TCERG1L: variants seen among roughly 807,000 people sequenced by gnomAD.
The protein encoded by TCERG1L is transcription elongation regulator 1-like protein.
Under a neutral mutation model 56.3 loss-of-function variants are expected in TCERG1L, and 37 were observed. The ratio of observed to expected loss-of-function variants is 0.66; its 90% CI spans 0.51 to 0.87. The LOEUF (loss-of-function observed/expected upper bound fraction) is 0.87. Ranked by LOEUF, TCERG1L falls within the 40% of genes least tolerant of loss-of-function variation. The pLI, the probability that TCERG1L is intolerant of heterozygous loss-of-function variation, is 0.00. For synonymous variants in TCERG1L, 324 were observed against 326.3 expected, an observed-to-expected ratio of 0.99 and a Z score of 0.08; for missense variants, 799 against 774.2, an observed-to-expected ratio of 1.03 and a Z score of -0.38.
At chr10:131,262,109 T>C (rs536343714) in intron 3 of TCERG1L, among the ~76,000 whole-genome samples, 1 of 151,726 alleles carries the variant, frequency 6.6e-6, no homozygotes, top group African/African-American at 2.4e-5. Flanking sequence ...CCGGCAGACA[T>C]AGGCGGGGGA....
Position 131,311,706 on chromosome 10 carries a change from G to T in TCERG1L, c.-71C>A. On this transcript the variant is annotated 5_prime_UTR_variant, in exon 1 of 12. Coordinates refer to ENST00000368642, the MANE Select transcript of TCERG1L (RefSeq NM_174937.4). This position sits in a 1 kb window ranked among gnomAD's most constrained non-coding sequence, Gnocchi z 4.0. Reference sequence around the variant, plus strand: ...GAGATGCTGGGCCGGCGGCGGCGCGGCTCCGGAGCGAACTCACTTGGCTCC... The same window carrying T: ...GAGATGCTGGGCCGGCGGCGGCGCGTCTCCGGAGCGAACTCACTTGGCTCC... 2 of 788,430 alleles carry T rather than the reference G, an allele frequency of 2.5e-6. No homozygotes were observed. The highest frequency in any genetic ancestry group is 3.2e-6 in the Non-Finnish European group (2 of 630,362). The allele number at this position is 788,430 out of a possible 1,614,324, so 48.8% of individuals were successfully genotyped here.
At chr10:131,203,364 G>A (rs74753328) in intron 4 of TCERG1L, among the ~76,000 whole-genome samples, 3,570 of 150,630 alleles carry the variant, frequency 0.024, 124 homozygotes, top group African/African-American at 0.082. Context: ...TCATGGTCTC[G>A]TCACTTAAGA....
intron 3 of TCERG1L, among the ~76,000 whole-genome samples, chr10:131,285,533 A>AG (rs1491426265): frequency 4.0e-5 from 2 of 50,272 alleles, no homozygotes; most frequent in East Asian, 1.5e-3. Flanking sequence ...AGAGAGAAAG[A>AG]AAAGAAAAGA....
intron 4 of TCERG1L, among the ~76,000 whole-genome samples, chr10:131,214,050 G>GCA (rs3040392): frequency 2.6e-5 from 4 of 151,786 alleles, no homozygotes; most frequent in African/African-American, 7.3e-5. Context: ...ACACACACAC[G>GCA]CACACACACA....
chr10:131,150,721 C>T (rs867113004), intron 6 of TCERG1L, among the ~76,000 whole-genome samples: 1 of 152,342 alleles, frequency 6.6e-6, no homozygotes, highest in East Asian at 1.9e-4. Flanking sequence ...CGATAGCACA[C>T]GTGGATCTCC....
intron 6 of TCERG1L, among the ~76,000 whole-genome samples, chr10:131,149,694 T>A (rs576902009): frequency 6.6e-6 from 1 of 152,308 alleles, no homozygotes; most frequent in African/African-American, 2.4e-5. Flanking sequence ...GCCTGGGCTC[T>A]TTGGCAACAC....
At chr10:131,164,235 T>A (rs1846008530) in intron 5 of TCERG1L, 1 of 151,918 alleles carries the variant, frequency 6.6e-6, no homozygotes, top group Non-Finnish European at 1.5e-5. Flanking sequence ...AAGCTATGGT[T>A]AGGACACTTG....
At chr10:131,285,644 A>G (rs971610067) in intron 3 of TCERG1L, among the ~76,000 whole-genome samples, 6 of 152,222 alleles carry the variant, frequency 3.9e-5, no homozygotes, top group African/African-American at 1.4e-4. Context: ...TAAACGCTGT[A>G]ATAGAGATAA....
intron 7 of TCERG1L, among the ~76,000 whole-genome samples, chr10:131,135,015 G>C (rs972691190): frequency 5.9e-5 from 9 of 152,210 alleles, no homozygotes; most frequent in African/African-American, 1.9e-4. Context: ...TTTCCATTCT[G>C]AGGCAGTCAG....
chr10:131,236,203 C>T (rs11598308), intron 4 of TCERG1L, among the ~76,000 whole-genome samples: 9,077 of 152,290 alleles, frequency 0.06, 352 homozygotes, highest in Middle Eastern at 0.15. Flanking sequence ...CATTGATCCT[C>T]CAGTCCTATA....
intron 4 of TCERG1L, among the ~76,000 whole-genome samples, chr10:131,226,319 T>G (rs1171709213): frequency 6.6e-6 from 1 of 152,032 alleles, no homozygotes; most frequent in Non-Finnish European, 1.5e-5. Context: ...TCAAGTAATC[T>G]GCCCGCCTCC....
At chr10:131,114,843 T>C (rs1004558365) in intron 9 of TCERG1L, among the ~76,000 whole-genome samples, 5 of 152,258 alleles carry the variant, frequency 3.3e-5, no homozygotes, top group African/African-American at 1.2e-4. Context: ...TTCCCAAATG[T>C]TCACGATGCC....
chr10:131,117,068 A>T (rs978091735), intron 8 of TCERG1L, 134 bp from the exon 9 acceptor site: 2 of 1,230,434 alleles, frequency 1.6e-6, no homozygotes, highest in African/African-American at 3.0e-5. Flanking sequence ...ATAAAGCCTG[A>T]GGCGGTCTCC....
At chr10:131,173,887 G>T (rs1589736566) in intron 4 of TCERG1L, among the ~76,000 whole-genome samples, 1 of 152,284 alleles carries the variant, frequency 6.6e-6, no homozygotes, top group East Asian at 1.9e-4. Flanking sequence ...TGAAAGGGGA[G>T]ACTGTGCAGC....
chr10:131,129,312 C>G (rs962215271), intron 8 of TCERG1L, among the ~76,000 whole-genome samples: 1 of 152,068 alleles, frequency 6.6e-6, no homozygotes, highest in African/African-American at 2.4e-5. Context: ...TGTTACCATG[C>G]TTATATTTTA....
intron 8 of TCERG1L, among the ~76,000 whole-genome samples, chr10:131,128,638 T>A (rs1185993282): frequency 6.6e-6 from 1 of 152,226 alleles, no homozygotes; most frequent in Non-Finnish European, 1.5e-5. Flanking sequence ...GTGTTTATTG[T>A]GTGTTTTCAG....
At chr10:131,266,207 C>G (rs1448409373) in intron 3 of TCERG1L, among the ~76,000 whole-genome samples, 1 of 152,226 alleles carries the variant, frequency 6.6e-6, no homozygotes. Flanking sequence ...GTCACATCTT[C>G]AAGCTCCACT....
At chr10:131,145,044 T>C (rs1292444108) in intron 7 of TCERG1L, among the ~76,000 whole-genome samples, 1 of 152,232 alleles carries the variant, frequency 6.6e-6, no homozygotes, top group African/African-American at 2.4e-5. Flanking sequence ...TTCTCATTAC[T>C]ACCAATTTTG....
chr10:131,308,901 A>G (rs1470954083), intron 2 of TCERG1L, among the ~76,000 whole-genome samples: 6 of 152,208 alleles, frequency 3.9e-5, no homozygotes, highest in African/African-American at 1.2e-4. Context: ...AAATTTTAAA[A>G]AAGACTCTGA....
Sources: allele counts gnomAD v4.1 joint callset (sites outside exome capture counted in the v4.1 genomes callset), GRCh38; gene constraint gnomAD v4.1.1; non-coding constraint Gnocchi (gnomAD v3.1); transcripts MANE v1.5; gene names NCBI Gene and HGNC (gene_info 2026-07-23, HGNC 2026-07-21).